The following VPS13D variants were observed in gnomAD, a reference collection of about 807,000 sequenced individuals.
The protein encoded by VPS13D is vacuolar protein sorting 13 homolog D.
In VPS13D, 187 loss-of-function variants were observed where a neutral mutation model predicts 461.9. The observed-to-expected ratio is 0.40, with a 90% CI of 0.36 to 0.46. VPS13D has a LOEUF of 0.46. Ranked by LOEUF, VPS13D falls within the 20% of genes least tolerant of loss-of-function variation. VPS13D has a pLI of 0.60. For synonymous variants in VPS13D, 1,951 were observed against 1,986.3 expected (o/e 0.98, Z 0.47); for missense variants, 4,711 against 5,364.9 (o/e 0.88, Z 3.81).
chr1:12,256,158 G>C, intron 7 of VPS13D, 175 bp from the exon 8 acceptor site: 1 of 645,660 alleles, frequency 1.5e-6, no homozygotes, highest in Non-Finnish European at 2.5e-6. Context: ...GTGAGATCCT[G>C]TCCCTATATA....
chr1:12,334,624 G>A (rs1000711658), intron 38 of VPS13D, among the ~76,000 whole-genome samples: 2 of 152,322 alleles, frequency 1.3e-5, no homozygotes, highest in East Asian at 1.9e-4. Flanking sequence ...AATTAGCTGG[G>A]CATAGTGGCG....
intron 60 of VPS13D, among the ~76,000 whole-genome samples, chr1:12,387,558 G>A (rs1644365414): frequency 6.6e-6 from 1 of 151,268 alleles, no homozygotes; most frequent in Non-Finnish European, 1.5e-5. Context: ...GGTTAAGTAG[G>A]GAGACTAATT....
At chr1:12,461,024 C>T (rs1394318143) in intron 67 of VPS13D, among the ~76,000 whole-genome samples, 1 of 152,148 alleles carries the variant, frequency 6.6e-6, no homozygotes, top group East Asian at 1.9e-4. Flanking sequence ...CAGGGACAGC[C>T]CATATGGTTC....
chr1:12,392,115 G>T (rs1007844164), intron 60 of VPS13D, among the ~76,000 whole-genome samples: 30 of 152,116 alleles, frequency 2.0e-4, no homozygotes, highest in African/African-American at 6.8e-4. Flanking sequence ...GCCCGCCTAG[G>T]CCTCCCAGGG....
chr1:12,253,674 C>G (rs192456705), intron 6 of VPS13D, 48 bp from the exon 7 acceptor site: 1 of 1,406,874 alleles, frequency 7.1e-7, no homozygotes, highest in African/African-American at 1.4e-5. Context: ...ATGACATTCA[C>G]GAATAAAGAC....
At chr1:12,267,125 C>T in intron 14 of VPS13D, 114 bp downstream of exon 14, 1 of 1,191,868 alleles carries the variant, frequency 8.4e-7, no homozygotes, top group Non-Finnish European at 1.1e-6. Context: ...GACTGATGGG[C>T]TGGGATTAGA....
intron 65 of VPS13D, among the ~76,000 whole-genome samples, chr1:12,438,966 AT>A (rs955231449): frequency 6.6e-6 from 1 of 152,096 alleles, no homozygotes; most frequent in Non-Finnish European, 1.5e-5. Context: ...GAATCTGAAC[AT>A]ATCCCTCCCG....
chr1:12,447,275 T>G (rs1645204810), intron 65 of VPS13D, among the ~76,000 whole-genome samples: 1 of 152,200 alleles, frequency 6.6e-6, no homozygotes, highest in Non-Finnish European at 1.5e-5. Context: ...TTGGGTTACC[T>G]CTCTAGGTTA....
intron 16 of VPS13D, among the ~76,000 whole-genome samples, chr1:12,269,824 G>T (rs1641382091): frequency 6.6e-6 from 1 of 152,068 alleles, no homozygotes; most frequent in Non-Finnish European, 1.5e-5. Context: ...AGCCATAAAT[G>T]CCGTGACTTC....
chr1:12,384,977 T>G (rs1457254864), intron 58 of VPS13D, among the ~76,000 whole-genome samples: 2 of 152,090 alleles, frequency 1.3e-5, no homozygotes, highest in Non-Finnish European at 2.9e-5. Context: ...GATCTTGAGG[T>G]TTGCATATTT....
intron 30 of VPS13D, among the ~76,000 whole-genome samples, chr1:12,317,417 A>G (rs1642919148): frequency 6.6e-6 from 1 of 152,074 alleles, no homozygotes; most frequent in Non-Finnish European, 1.5e-5. Flanking sequence ...TCTTTATCAT[A>G]CCAGAATTTC....
Position 12,475,609 on chromosome 1 carries a change from GTGAGTTACATCTCATCCCCGCAAGGGAT to G in VPS13D, c.12662+15219_12662+15246del, listed in dbSNP as rs1176465259. Reference sequence around the variant, plus strand: ...CCCAGCTGGACTTAGCACCATTTAAGTGAGTTACATCTCATCCCCGCAAGGGATTGAGTCTGTAGCCAATTTGGCCTTG... The same window carrying G: ...CCCAGCTGGACTTAGCACCATTTAAGTGAGTCTGTAGCCAATTTGGCCTTG... On this transcript the variant is annotated intron_variant, in intron 67 of 69. Coordinates refer to ENST00000620676, the MANE Select transcript of VPS13D (RefSeq NM_015378.4). Among the ~76,000 whole-genome samples the G allele has an allele frequency of 2.0e-5, 3 of 152,364 alleles. No homozygotes were observed. The East Asian group carries it at 5.8e-4, about 29-fold the overall frequency.
Position 12,510,644 on chromosome 1 carries a change from G to A in VPS13D, c.*1620G>A, listed in dbSNP as rs1192912575. 3 of 152,210 alleles carry A rather than the reference G, an allele frequency of 2.0e-5. No individual in the cohort carries two copies. The highest frequency in any genetic ancestry group is 1.9e-4 in the East Asian group (1 of 5,198). 9.4% of individuals were successfully genotyped at this position (152,210 alleles called of 1,614,324 possible). ...TCAAGGATCAGCTTTCTTGAACTCC[G>A]AGGCTTGGTTGCCTTTGCTGAACTC... On this transcript the variant is annotated 3_prime_UTR_variant, in exon 70 of 70. Coordinates refer to ENST00000620676, the MANE Select transcript of VPS13D (RefSeq NM_015378.4).
chr1:12,456,771 A>G (rs1645335879), intron 66 of VPS13D, among the ~76,000 whole-genome samples: 1 of 151,962 alleles, frequency 6.6e-6, no homozygotes, highest in African/African-American at 2.4e-5. Context: ...AGAACTCCTC[A>G]TTCGCTTTCT....
intron 69 of VPS13D, among the ~76,000 whole-genome samples, 175 bp from the exon 70 acceptor site, chr1:12,508,718 C>G (rs564896937): frequency 6.6e-6 from 1 of 152,014 alleles, no homozygotes; most frequent in African/African-American, 2.4e-5. Flanking sequence ...TTGCAGGGAC[C>G]CACCCCAGAC....
chr1:12,283,516 G>A lies in VPS13D; in HGVS notation c.5414G>A (p.Arg1805Gln), dbSNP rs752176220. 4.3e-6 allele frequency: 7 copies of A among 1,614,044 alleles called. No individual in the cohort carries two copies. The highest frequency in any genetic ancestry group is 5.1e-6 in the Non-Finnish European group (6 of 1,180,040). The change falls in exon 21 of 70, where the codon CGA (arginine) becomes CAA (glutamine). Residue 1805 changes from arginine (R) to glutamine (Q), a missense_variant. Arg to Gln is a conservative substitution (Grantham distance 43). Coordinates refer to ENST00000620676, the MANE Select transcript of VPS13D (RefSeq NM_015378.4). ...CCAGAATTCTCTTCCAGTTACAATC[G>A]AGTTAACCGGAGCATTGATGTTGAT... ...KHPEFSSSYNRVNRSIDVDFN... is the reference protein window; with the variant it reads ...KHPEFSSSYNQVNRSIDVDFN...
At chr1:12,406,746 C>T (rs1472504258) in intron 63 of VPS13D, among the ~76,000 whole-genome samples, 4 of 152,180 alleles carry the variant, frequency 2.6e-5, no homozygotes, top group Admixed American at 6.5e-5. Flanking sequence ...CCGAGTGATA[C>T]TGAAAATGCC....
chr1:12,244,233 C>T lies in VPS13D; in HGVS notation c.176-13C>T. The T allele has an allele frequency of 6.3e-7, 1 of 1,599,060 alleles. No homozygotes were observed. The highest frequency in any genetic ancestry group is 8.5e-7 in the Non-Finnish European group (1 of 1,174,764). The stretch of plus-strand genomic sequence containing the variant: ...TGTACAGATGGTGAACAAGACTTTC[C>T]TTCTCCTTCCAGGCTTCATTGGGAA... On this transcript the variant is annotated splice_polypyrimidine_tract_variant and intron_variant, in intron 3 of 69. Transcript: ENST00000620676.
chr1:12,468,962 A>C (rs1645528420), intron 67 of VPS13D, among the ~76,000 whole-genome samples: 1 of 151,736 alleles, frequency 6.6e-6, no homozygotes, highest in South Asian at 2.1e-4. Context: ...TGAGCCCAGG[A>C]GGTCAAGGCT....
Sources: gnomAD v4.1 joint callset for allele counts (sites outside exome capture counted in the v4.1 genomes callset) on GRCh38, gnomAD v4.1.1 for gene constraint, MANE v1.5 for transcripts, NCBI Gene and HGNC (gene_info 2026-07-23, HGNC 2026-07-21) for gene names.